The following CLNK variants were observed in gnomAD, a reference collection of about 807,000 sequenced individuals.
CLNK encodes the protein cytokine-dependent hematopoietic cell linker.
In CLNK, 74 loss-of-function variants were observed where a neutral mutation model predicts 68.6. The observed-to-expected ratio is 1.08, with a 90% CI of 0.89 to 1.31. The LOEUF is 1.31. Among genes scored for constraint, CLNK ranks in the 50% most tolerant of loss-of-function variants. The pLI is 0.00. For synonymous variants in CLNK, 198 were observed against 172.2 expected, an observed-to-expected ratio of 1.15 and a Z score of -1.17; for missense variants, 553 against 515.3, an observed-to-expected ratio of 1.07 and a Z score of -0.71.
At chr4:10,630,846 TTGTAGCAGGTAAGCAGG>T (rs1223707964) in intron 2 of CLNK, among the ~76,000 whole-genome samples, 1 of 152,214 alleles carries the variant, frequency 6.6e-6, no homozygotes, top group Non-Finnish European at 1.5e-5. Flanking sequence ...GTCCATCTGC[TTGTAGCAGGTAAGCAGG>T]ATTGAGGGCG....
intron 8 of CLNK, among the ~76,000 whole-genome samples, chr4:10,557,807 A>C (rs1170767259): frequency 6.6e-6 from 1 of 152,242 alleles, no homozygotes; most frequent in Non-Finnish European, 1.5e-5. Flanking sequence ...ATTATTGGGC[A>C]AAGTGAATCT....
chr4:10,550,222 G>A (rs536009893), intron 8 of CLNK, among the ~76,000 whole-genome samples: 1 of 152,220 alleles, frequency 6.6e-6, no homozygotes, highest in Admixed American at 6.5e-5. Context: ...GGCCAGGCGC[G>A]GTGGCTCAAG....
chr4:10,633,692 C>G (rs1435407070), intron 2 of CLNK, among the ~76,000 whole-genome samples: 1 of 152,196 alleles, frequency 6.6e-6, no homozygotes, highest in African/African-American at 2.4e-5. Flanking sequence ...CATACCATTC[C>G]AAACAGTACA....
At chr4:10,634,950 G>A (rs2088011925) in intron 2 of CLNK, among the ~76,000 whole-genome samples, 1 of 152,178 alleles carries the variant, frequency 6.6e-6, no homozygotes, top group Admixed American at 6.5e-5. Flanking sequence ...TGAAGAGCAG[G>A]TGGGCATCCT....
At chr4:10,525,434 A>C (rs1718271536) in intron 14 of CLNK, among the ~76,000 whole-genome samples, 1 of 152,184 alleles carries the variant, frequency 6.6e-6, no homozygotes, top group African/African-American at 2.4e-5. Context: ...GCAGGTATCT[A>C]ATCTGATGAT....
At chr4:10,725,695 A>C in the CLNK span, among the ~76,000 whole-genome samples, 1 of 151,994 alleles carries the variant, frequency 6.6e-6, no homozygotes, top group Non-Finnish European at 1.5e-5. Flanking sequence ...CTACTAAAAA[A>C]GTACAAAAAA....
chr4:10,687,237 G>T (rs183744534), upstream of CLNK, among the ~76,000 whole-genome samples: 1 of 151,690 alleles, frequency 6.6e-6, no homozygotes, highest in East Asian at 1.9e-4. Flanking sequence ...TACCTTCATG[G>T]AGTTTCGAAT....
the CLNK span, among the ~76,000 whole-genome samples, chr4:10,697,986 T>C: frequency 6.6e-6 from 1 of 152,230 alleles, no homozygotes; most frequent in Admixed American, 6.5e-5. Flanking sequence ...ACAGGATATA[T>C]GTCTATGGAA....
rs560045993 is a variant in CLNK at position 10,566,090 on chromosome 4, C to T, written c.211G>A (p.Asp71Asn). Residue 71 changes from aspartate (D) to asparagine (N), a missense_variant, in exon 6 of 19, where the codon GAC becomes AAC. By Grantham distance (23) the Asp-to-Asn change is conservative (BLOSUM62 1). Transcript: ENST00000226951. ...AKGHSDDDYD[D>N]PELRMEETWQ... ...GTCTCTTCCATCCGAAGCTCAGGGT[C>T]ATCATAGTCATCATCACTGTGGCCT... 5.6e-6 allele frequency: 9 copies of T among 1,613,896 alleles called. No individual in the cohort carries two copies. In the South Asian group the frequency reaches 9.9e-5, roughly 18 times the overall value.
intron 2 of CLNK, among the ~76,000 whole-genome samples, chr4:10,618,921 G>A (rs1397153984): frequency 6.6e-6 from 1 of 152,164 alleles, no homozygotes; most frequent in Non-Finnish European, 1.5e-5. Flanking sequence ...CATTACAACT[G>A]GACCTGAGAT....
intron 2 of CLNK, among the ~76,000 whole-genome samples, chr4:10,639,837 T>C (rs910365888): frequency 6.6e-6 from 1 of 152,248 alleles, no homozygotes; most frequent in Admixed American, 6.5e-5. Context: ...CTGACAAATA[T>C]TCTCTTGTGA....
intron 1 of CLNK, among the ~76,000 whole-genome samples, chr4:10,677,837 CAATAAT>C (rs68067128): frequency 4.0e-5 from 6 of 149,170 alleles, no homozygotes; most frequent in Admixed American, 1.3e-4. Context: ...ATAAAAATAG[CAATAAT>C]AATAATAATA....
intron 14 of CLNK, among the ~76,000 whole-genome samples, chr4:10,522,572 C>CA (rs58663693): frequency 0.86 from 100,185 of 116,358 alleles, 43,766 homozygotes; most frequent in Non-Finnish European, 0.94. Flanking sequence ...GAAACTCTCT[C>CA]AAAAAAAAAA....
At chr4:10,594,314 C>A (rs1379624053) in intron 3 of CLNK, among the ~76,000 whole-genome samples, 1 of 152,216 alleles carries the variant, frequency 6.6e-6, no homozygotes, top group African/African-American at 2.4e-5. Flanking sequence ...CCCTCCACCC[C>A]ACTCACTGTC....
At position 10,630,020 on chromosome 4, in the gene CLNK, G is replaced by A. The variant is rs1263041766; in HGVS notation, c.12-31971C>T. Among the ~76,000 whole-genome samples, 3 of 152,172 alleles carry A rather than the reference G, an allele frequency of 2.0e-5. No individual in the cohort carries two copies. The East Asian group carries it at 5.8e-4, about 29-fold the overall frequency. On this transcript the variant is annotated intron_variant, in intron 2 of 18. Transcript: ENST00000226951. ...CTTGGTGTTTGGGGACCACGGCAGT[G>A]CAAAACCTCTGAGGGCCTGGGGAGA... is the stretch of plus-strand genomic sequence containing the variant.
chr4:10,720,244 T>C, the CLNK span, among the ~76,000 whole-genome samples: 3,032 of 150,444 alleles, frequency 0.02, 35 homozygotes, highest in East Asian at 0.058. Context: ...AGAAAAAAAA[T>C]CAATGAAACA....
intron 3 of CLNK, among the ~76,000 whole-genome samples, chr4:10,589,301 AAATCCCTTCTTATTTAC>A (rs1270225164): frequency 1.3e-5 from 2 of 152,168 alleles, no homozygotes; most frequent in African/African-American, 4.8e-5. Flanking sequence ...GAGTCCCTCC[AAATCCCTTCTTATTTAC>A]AAGCCTATAG....
chr4:10,519,805 C>CA (rs1378347659), intron 15 of CLNK, among the ~76,000 whole-genome samples: 2 of 152,032 alleles, frequency 1.3e-5, no homozygotes, highest in African/African-American at 2.4e-5. Flanking sequence ...TTGCCTACTA[C>CA]ATGGCAGGCA....
intron 3 of CLNK, among the ~76,000 whole-genome samples, chr4:10,596,132 T>C (rs868654380): frequency 2.6e-5 from 4 of 152,220 alleles, no homozygotes; most frequent in South Asian, 2.1e-4. Flanking sequence ...TTCAAGTGAT[T>C]CTCCTGCCTC....
Sources: allele counts gnomAD v4.1 joint callset (sites outside exome capture counted in the v4.1 genomes callset), GRCh38; gene constraint gnomAD v4.1.1; transcripts MANE v1.5; gene names NCBI Gene and HGNC (gene_info 2026-07-23, HGNC 2026-07-21).